The following TRAPPC9 variants were observed in gnomAD, a reference collection of about 807,000 sequenced individuals.
The protein encoded by TRAPPC9 is trafficking protein particle complex subunit 9.
TRAPPC9 carries 83 observed loss-of-function variants against 124.0 expected under a neutral mutation model. The ratio of observed to expected loss-of-function variants is 0.67; its 90% confidence interval spans 0.56 to 0.80. TRAPPC9 has a LOEUF of 0.80. Among genes scored for constraint, TRAPPC9 ranks in the 30% least tolerant of loss-of-function variants. TRAPPC9 has a pLI of 0.00. For missense variants in TRAPPC9, 1,302 were observed against 1,508.3 expected (o/e 0.86, Z 2.27); for synonymous variants, 638 against 617.5 (o/e 1.03, Z -0.49).
intron 15 of TRAPPC9, among the ~76,000 whole-genome samples, chr8:140,253,659 C>G (rs933026221): frequency 6.6e-6 from 1 of 151,110 alleles, no homozygotes; most frequent in Admixed American, 6.6e-5. Context: ...GCCTGGGCAA[C>G]AGAGCAAGAC....
chr8:139,815,224 T>A (rs1473208449), intron 21 of TRAPPC9, among the ~76,000 whole-genome samples: 1 of 152,080 alleles, frequency 6.6e-6, no homozygotes, highest in Non-Finnish European at 1.5e-5. Flanking sequence ...CTCCCATCAC[T>A]CCCAGCTCCC....
chr8:139,863,845 T>G (rs904908075), intron 21 of TRAPPC9, among the ~76,000 whole-genome samples: 1 of 152,164 alleles, frequency 6.6e-6, no homozygotes, highest in Non-Finnish European at 1.5e-5. Context: ...GGAGGGGATA[T>G]GGAGCGGGCA....
chr8:140,169,853 T>A (rs1382106214), intron 17 of TRAPPC9, among the ~76,000 whole-genome samples: 1 of 152,120 alleles, frequency 6.6e-6, no homozygotes, highest in Non-Finnish European at 1.5e-5. Flanking sequence ...TCCTCCCACC[T>A]CAGCCTCCTG....
At chr8:140,363,786 C>T (rs879691039) in intron 8 of TRAPPC9, among the ~76,000 whole-genome samples, 49 of 151,948 alleles carry the variant, frequency 3.2e-4, no homozygotes, top group South Asian at 1.5e-3. Context: ...TTAGTAGAGA[C>T]GGGGTTTCAC....
At position 140,193,093 on chromosome 8, in the gene TRAPPC9, A is replaced by T. The variant is rs573184825; in HGVS notation, c.2556+28366T>A. Among the ~76,000 whole-genome samples the T allele has an allele frequency of 2.5e-3, 381 of 152,350 alleles. 1 individual carries two copies. In the Middle Eastern group the frequency reaches 0.031, roughly 12 times the overall value. On this transcript the variant is annotated intron_variant, in intron 17 of 22. Transcript: ENST00000438773. Reference sequence around the variant, plus strand: ...AGCTGAATGGCTGTTTAAATCTTGCAGAAGTAAAACAAGTATTTCACTGGG... The same window carrying T: ...AGCTGAATGGCTGTTTAAATCTTGCTGAAGTAAAACAAGTATTTCACTGGG...
chr8:139,755,102 G>C (rs1404361100), intron 21 of TRAPPC9, among the ~76,000 whole-genome samples: 1 of 152,252 alleles, frequency 6.6e-6, no homozygotes, highest in Non-Finnish European at 1.5e-5. Flanking sequence ...GTTGTAATTG[G>C]GGGAGCCATG....
At chr8:140,032,628 A>G (rs1203221416) in intron 17 of TRAPPC9, among the ~76,000 whole-genome samples, 1 of 152,220 alleles carries the variant, frequency 6.6e-6, no homozygotes, top group Non-Finnish European at 1.5e-5. Flanking sequence ...TTACTTAAAC[A>G]GTACCCTAAA....
chr8:140,399,330 G>T (rs2069187797), intron 6 of TRAPPC9, among the ~76,000 whole-genome samples: 1 of 152,240 alleles, frequency 6.6e-6, no homozygotes, highest in African/African-American at 2.4e-5. Flanking sequence ...CAGAATGGCA[G>T]ATCCACTGAC....
At chr8:140,184,144 C>A (rs1365074953) in intron 17 of TRAPPC9, among the ~76,000 whole-genome samples, 6 of 152,074 alleles carry the variant, frequency 3.9e-5, no homozygotes, top group Non-Finnish European at 8.8e-5. Flanking sequence ...CAGCAGTGAA[C>A]CTGCACAGAA....
At position 140,457,519 on chromosome 8, in the gene TRAPPC9, G is replaced by C. The variant is rs988772045; in HGVS notation, c.-11+120C>G. 28 of 842,832 alleles carry C rather than the reference G, an allele frequency of 3.3e-5. No homozygotes were observed. The South Asian group carries it at 1.3e-3, about 40-fold the overall frequency. The allele number at this position is 842,832 out of a possible 1,614,324, so 52.2% of individuals were successfully genotyped here. A position where few individuals can be genotyped will look rare whatever the true frequency, so the allele number is the denominator to read the frequency against. The stretch of plus-strand genomic sequence containing the variant: ...CGGACAGGTGTGGCGGGCTCCGCCC[G>C]GACAGGTGAGGGCCGGGCGAGCCCC... On this transcript the variant is annotated intron_variant, in intron 1 of 22. Coordinates refer to ENST00000438773, the MANE Select transcript of TRAPPC9 (RefSeq NM_001160372.4).
intron 17 of TRAPPC9, among the ~76,000 whole-genome samples, chr8:140,163,003 AATT>A: frequency 6.6e-6 from 1 of 152,106 alleles, no homozygotes; most frequent in Non-Finnish European, 1.5e-5. Context: ...AAAAAAAAGA[AATT>A]ATTACAATGG....
intron 19 of TRAPPC9, among the ~76,000 whole-genome samples, chr8:139,948,394 A>G (rs529684922): frequency 6.6e-6 from 1 of 152,230 alleles, no homozygotes; most frequent in East Asian, 1.9e-4. Flanking sequence ...GCCTTGAGTA[A>G]GGAAAAGAGA....
chr8:140,361,669 T>A (rs1325641238), intron 8 of TRAPPC9, among the ~76,000 whole-genome samples: 1 of 152,224 alleles, frequency 6.6e-6, no homozygotes, highest in African/African-American at 2.4e-5. Flanking sequence ...TTCCACTGTT[T>A]CACTAAGAAT....
chr8:139,961,726 T>A (rs1238861138), intron 19 of TRAPPC9, among the ~76,000 whole-genome samples: 2 of 123,758 alleles, frequency 1.6e-5, no homozygotes, highest in Admixed American at 1.7e-4. Context: ...CAGCTCCTGG[T>A]GCCTGCTCTG....
intron 17 of TRAPPC9, among the ~76,000 whole-genome samples, chr8:140,147,344 C>G (rs1361895147): frequency 2.0e-5 from 3 of 152,184 alleles, no homozygotes; most frequent in Admixed American, 1.3e-4. Flanking sequence ...AAGTGAATTC[C>G]TTTGTTGAGT....
intron 6 of TRAPPC9, 107 bp downstream of exon 6, chr8:140,405,470 A>G: frequency 1.6e-6 from 2 of 1,255,932 alleles, no homozygotes; most frequent in Non-Finnish European, 2.3e-6. Context: ...ATGAATACTT[A>G]CAGAAATAAA....
chr8:139,815,321 G>A (rs960897886), intron 21 of TRAPPC9, among the ~76,000 whole-genome samples: 8 of 152,122 alleles, frequency 5.3e-5, no homozygotes, highest in African/African-American at 9.7e-5. Flanking sequence ...TAACTTGCTC[G>A]AGGTCACAAA....
chr8:140,009,499 C>T (rs1426246910), intron 18 of TRAPPC9, among the ~76,000 whole-genome samples: 1 of 152,150 alleles, frequency 6.6e-6, no homozygotes, highest in Admixed American at 6.5e-5. Context: ...TACCATCTTC[C>T]CCTTCTCACA....
chr8:140,401,632 A>AT (rs146521869), intron 6 of TRAPPC9, among the ~76,000 whole-genome samples: 32,494 of 151,198 alleles, frequency 0.21, 3,674 homozygotes, highest in Middle Eastern at 0.36. Flanking sequence ...ATGAAAAATT[A>AT]TTTTTTTTTG....
Sources: gnomAD v4.1 joint callset for allele counts (sites outside exome capture counted in the v4.1 genomes callset) on GRCh38, gnomAD v4.1.1 for gene constraint, MANE v1.5 for transcripts, NCBI Gene and HGNC (gene_info 2026-07-23, HGNC 2026-07-21) for gene names.